PIEZO2: variants seen among roughly 807,000 people sequenced by gnomAD.
The protein encoded by PIEZO2 is piezo-type mechanosensitive ion channel component 2.
Under a neutral mutation model 337.3 loss-of-function variants are expected in PIEZO2, and 172 were observed. That is an observed-to-expected ratio of 0.51 (90% confidence interval 0.45 to 0.58). The LOEUF (loss-of-function observed/expected upper bound fraction) is 0.58, where lower values mean the gene tolerates loss of function less well. Among genes scored for constraint, PIEZO2 ranks in the 20% least tolerant of loss-of-function variants. PIEZO2 has a pLI of 0.00. For synonymous variants in PIEZO2, 1,251 were observed against 1,228.5 expected (o/e 1.02, Z -0.38); for missense variants, 3,028 against 3,391.3 (o/e 0.89, Z 2.66).
At chr18:11,088,229 T>A (rs527371466) in intron 1 of PIEZO2, among the ~76,000 whole-genome samples, 5 of 152,290 alleles carry the variant, frequency 3.3e-5, no homozygotes, top group African/African-American at 1.2e-4. Context: ...CTGAAATGAA[T>A]GCATGAAAAG....
chr18:10,686,828 G>A (rs1264750161), intron 49 of PIEZO2, among the ~76,000 whole-genome samples: 1 of 152,142 alleles, frequency 6.6e-6, no homozygotes, highest in Non-Finnish European at 1.5e-5. Flanking sequence ...GTGCAAAGAT[G>A]TGTCAAGGCC....
chr18:10,762,472 C>T, intron 23 of PIEZO2, 28 bp downstream of exon 23: 1 of 1,532,058 alleles, frequency 6.5e-7, no homozygotes, highest in Non-Finnish European at 8.7e-7. Context: ...GGAGTGGAGG[C>T]CCAAACTAAG....
rs530467057 is a variant in PIEZO2, at chr18:10,781,527, A to G, written c.2493-1161T>C. The stretch of plus-strand genomic sequence containing the variant: ...AATAGTCCTTTGTAAATCATTGCTA[A>G]TTATATATTATATAATAAACAATGT... On this transcript the variant is annotated intron_variant, in intron 17 of 55. Coordinates refer to ENST00000674853, the MANE Select transcript of PIEZO2 (RefSeq NM_001378183.1). The surrounding 1 kb of genome is among the most constrained non-coding windows in gnomAD (Gnocchi z 4.1). Among the ~76,000 whole-genome samples, 2 of 152,110 alleles carry G rather than the reference A, an allele frequency of 1.3e-5. No homozygotes were observed. The highest frequency in any genetic ancestry group is 4.1e-4 in the South Asian group (2 of 4,824).
chr18:11,001,347 C>T lies in PIEZO2; in HGVS notation c.161-21687G>A, dbSNP rs1038063742. Among the ~76,000 whole-genome samples, 1 of 152,096 alleles carries T rather than the reference C, an allele frequency of 6.6e-6. No homozygotes were observed. The highest frequency in any genetic ancestry group is 2.1e-4 in the South Asian group (1 of 4,814). On this transcript the variant is annotated intron_variant, in intron 2 of 55. Transcript: ENST00000674853. This position sits in a 1 kb window ranked among gnomAD's most constrained non-coding sequence, Gnocchi z 5.3. ...GTCAGCACATCTTGCTAGGCATGCACCACCGAAAAAGTTATTCCTCTAGGG... is the reference window on the plus strand; with the variant it reads ...GTCAGCACATCTTGCTAGGCATGCATCACCGAAAAAGTTATTCCTCTAGGG...
chr18:10,845,029 T>G (rs2041311599), intron 7 of PIEZO2, among the ~76,000 whole-genome samples: 1 of 152,166 alleles, frequency 6.6e-6, no homozygotes, highest in South Asian at 2.1e-4. Context: ...AATTAAATGA[T>G]GAATGTCTAG....
intron 1 of PIEZO2, among the ~76,000 whole-genome samples, chr18:11,115,706 T>C (rs2039868859): frequency 6.6e-6 from 1 of 151,918 alleles, no homozygotes. Context: ...AAGAAAATGC[T>C]ATGTTTATCT....
At chr18:11,086,485 C>CTCAT (rs1299970268) in intron 1 of PIEZO2, among the ~76,000 whole-genome samples, 1 of 148,528 alleles carries the variant, frequency 6.7e-6, no homozygotes, top group African/African-American at 2.5e-5. Flanking sequence ...CGCCACTGCA[C>CTCAT]TCCAGCCTGG....
intron 21 of PIEZO2, among the ~76,000 whole-genome samples, chr18:10,764,118 T>C (rs758317380): frequency 4.6e-5 from 7 of 152,212 alleles, no homozygotes; most frequent in Non-Finnish European, 1.0e-4. Context: ...CAATTCTTTA[T>C]AGTTAATAGT....
At position 10,870,084 on chromosome 18, in the gene PIEZO2, C is replaced by G. The variant is rs144042490; in HGVS notation, c.492+1169G>C. On this transcript the variant is annotated intron_variant, in intron 5 of 55. Coordinates refer to ENST00000674853, the MANE Select transcript of PIEZO2 (RefSeq NM_001378183.1). This position sits in a 1 kb window ranked among gnomAD's most constrained non-coding sequence, Gnocchi z 5.3. ...AGAGACAGGGTTTCACCATGTTGGC[C>G]AGGCTGGTCTCGAACTCATGACCTC... is the stretch of plus-strand genomic sequence containing the variant. 7.7e-3 allele frequency among the ~76,000 whole-genome samples: 1,169 copies of G among 152,294 alleles called. 11 individuals are homozygous for G. The highest frequency in any genetic ancestry group is 0.026 in the African/African-American group (1,093 of 41,550).
At chr18:10,701,325 C>T (rs2143736808) in intron 43 of PIEZO2, among the ~76,000 whole-genome samples, 1 of 152,320 alleles carries the variant, frequency 6.6e-6, no homozygotes, top group African/African-American at 2.4e-5. Flanking sequence ...GAAGGAAAAA[C>T]CCATGAAGTT....
At chr18:10,703,173 C>T (rs964559708) in intron 42 of PIEZO2, among the ~76,000 whole-genome samples, 1 of 152,172 alleles carries the variant, frequency 6.6e-6, no homozygotes, top group East Asian at 1.9e-4. Flanking sequence ...ATACAAGAAG[C>T]TCTTGTTCCC....
chr18:10,871,900 T>A (rs937407656), intron 4 of PIEZO2, among the ~76,000 whole-genome samples: 2 of 152,196 alleles, frequency 1.3e-5, no homozygotes, highest in African/African-American at 4.8e-5. Context: ...TCTGTATTGT[T>A]CCAAGAAAGG....
At chr18:11,058,582 G>T (rs1489670873) in intron 2 of PIEZO2, among the ~76,000 whole-genome samples, 1 of 152,152 alleles carries the variant, frequency 6.6e-6, no homozygotes, top group Non-Finnish European at 1.5e-5. Context: ...GTCCTTAAAG[G>T]ACCTGATGGA....
rs1221388764 is a variant in PIEZO2 at position 10,807,419 on chromosome 18, T to C, written c.918-145A>G. On this transcript the variant is annotated intron_variant, in intron 7 of 55. Transcript: ENST00000674853. ...TGTAGATATTTCAATTACCCTTCTG[T>C]ATACGTAATTACATATTTAAAGAAT... The C allele has an allele frequency of 6.0e-6, 4 of 664,508 alleles. No individual in the cohort carries two copies. In the East Asian group the frequency reaches 1.1e-4, roughly 18 times the overall value. The allele number at this position is 664,508 out of a possible 1,614,324, so 41.2% of individuals were successfully genotyped here.
chr18:10,731,598 C>T, intron 35 of PIEZO2, 77 bp from the exon 36 acceptor site: 4 of 896,204 alleles, frequency 4.5e-6, no homozygotes, highest in Non-Finnish European at 6.2e-6. Flanking sequence ...AGCTTCCTGA[C>T]TTTTGAAATA....
At chr18:10,780,943 G>T (rs1040926432) in intron 17 of PIEZO2, among the ~76,000 whole-genome samples, 3 of 151,504 alleles carry the variant, frequency 2.0e-5, no homozygotes, top group Non-Finnish European at 4.4e-5. Flanking sequence ...GATTACAGGT[G>T]TGAGACACAG....
At chr18:10,896,989 C>A (rs1243557068) in intron 4 of PIEZO2, among the ~76,000 whole-genome samples, 1 of 152,188 alleles carries the variant, frequency 6.6e-6, no homozygotes, top group East Asian at 1.9e-4. Context: ...TAATTCACTA[C>A]AGCAATAGAA....
chr18:11,104,341 C>T lies in PIEZO2; in HGVS notation c.65-38119G>A, dbSNP rs1178618811. Among the ~76,000 whole-genome samples the T allele has an allele frequency of 2.6e-5, 4 of 152,212 alleles. No homozygotes were observed. The highest frequency in any genetic ancestry group is 5.9e-5 in the Non-Finnish European group (4 of 68,036). ...GCTGTTAGCCCTAGCCACCCCACCT[C>T]AAGCCAGGAGGCTCTTTCTCCTAGA... is the stretch of plus-strand genomic sequence containing the variant. On this transcript the variant is annotated intron_variant, in intron 1 of 55. Transcript: ENST00000674853. This position sits in a 1 kb window ranked among gnomAD's most constrained non-coding sequence, Gnocchi z 4.6.
Position 10,943,634 on chromosome 18 carries a change from A to ATAATACTTT in PIEZO2, c.287-32415_287-32407dup, listed in dbSNP as rs1339756062. On this transcript the variant is annotated intron_variant, in intron 3 of 55. Transcript: ENST00000674853. The surrounding 1 kb of genome is among the most constrained non-coding windows in gnomAD (Gnocchi z 4.5). Reference sequence around the variant, plus strand: ...CAGGAAGGAACTTGCCTTGTCTTGGATAATACTTTGCACTGTGGACTTTTG... The same window carrying ATAATACTTT: ...CAGGAAGGAACTTGCCTTGTCTTGGATAATACTTTTAATACTTTGCACTGTGGACTTTTG... Among the ~76,000 whole-genome samples the ATAATACTTT allele has an allele frequency of 6.6e-6, 1 of 152,166 alleles. No individual in the cohort carries two copies. The highest frequency in any genetic ancestry group is 1.5e-5 in the Non-Finnish European group (1 of 68,030).
Sources: gnomAD v4.1 joint callset for allele counts (sites outside exome capture counted in the v4.1 genomes callset) on GRCh38, gnomAD v4.1.1 for gene constraint, Gnocchi (gnomAD v3.1) non-coding constraint, MANE v1.5 for transcripts, NCBI Gene and HGNC (gene_info 2026-07-23, HGNC 2026-07-21) for gene names.